Variants in CSTF3 observed in about 807,000 individuals in gnomAD.
CSTF3 encodes cleavage stimulation factor subunit 3, also known as CF-1 77 kDa subunit.
A neutral mutation model predicts 105.8 loss-of-function variants in CSTF3; 29 were observed. The ratio of observed to expected loss-of-function variants is 0.27; its 90% confidence interval spans 0.20 to 0.37. CSTF3 has a LOEUF of 0.37. CSTF3 is among the 10% of genes least tolerant of loss of function. CSTF3 has a pLI of 1.00. For synonymous variants in CSTF3, 252 were observed against 281.9 expected, an observed-to-expected ratio of 0.89 and a Z score of 1.06; for missense variants, 357 against 879.3, an observed-to-expected ratio of 0.41 and a Z score of 7.51.
At chr11:33,113,331 A>G (rs1176206352) in intron 3 of CSTF3, among the ~76,000 whole-genome samples, 1 of 152,146 alleles carries the variant, frequency 6.6e-6, no homozygotes, top group Non-Finnish European at 1.5e-5. Context: ...GTAGTGCATC[A>G]TTTTCAATGA....
intron 3 of CSTF3, among the ~76,000 whole-genome samples, chr11:33,128,397 T>A (rs1590277265): frequency 6.7e-6 from 1 of 150,152 alleles, no homozygotes; most frequent in Middle Eastern, 3.4e-3. Context: ...AACATGTAAT[T>A]TTTTTTTTTG....
intron 3 of CSTF3, among the ~76,000 whole-genome samples, chr11:33,137,447 T>C (rs1157354604): frequency 6.6e-6 from 1 of 151,824 alleles, no homozygotes; most frequent in Non-Finnish European, 1.5e-5. Context: ...ATCTCTGTTA[T>C]AGAATGGATA....
intron 17 of CSTF3, among the ~76,000 whole-genome samples, chr11:33,089,982 T>G (rs1454058690): frequency 6.6e-6 from 1 of 152,238 alleles, no homozygotes; most frequent in Non-Finnish European, 1.5e-5. Flanking sequence ...GACTCAGTAG[T>G]CTGTATAGAA....
rs928350513 is a variant in CSTF3 at position 33,099,377 on chromosome 11, A to G, written c.937-227T>C. Among the ~76,000 whole-genome samples, 3 of 152,234 alleles carry G rather than the reference A, an allele frequency of 2.0e-5. No individual in the cohort carries two copies. Among genetic ancestry groups the G allele is most frequent in the Non-Finnish European group, 4.4e-5 (3 of 68,036 alleles). On this transcript the variant is annotated intron_variant, in intron 11 of 20. Transcript: ENST00000323959. The surrounding 1 kb of genome is among the most constrained non-coding windows in gnomAD (Gnocchi z 4.1). ...TTTCATTATTTTAACTTACAAAATA[A>G]CCATGCAAGTACTCTAAATGATTCA... is the stretch of plus-strand genomic sequence containing the variant.
intron 3 of CSTF3, among the ~76,000 whole-genome samples, chr11:33,120,708 A>G (rs1401564873): frequency 6.6e-6 from 1 of 152,016 alleles, no homozygotes; most frequent in East Asian, 1.9e-4. Context: ...AAAGCCTAAC[A>G]TATAGCAGAC....
chr11:33,096,492 T>A, intron 14 of CSTF3, 84 bp from the exon 15 acceptor site: 1 of 794,438 alleles, frequency 1.3e-6, no homozygotes, highest in East Asian at 2.7e-5. Flanking sequence ...TATACCTACA[T>A]ATGACAAAAT....
At chr11:33,090,759 A>C in intron 16 of CSTF3, 32 bp from the exon 17 acceptor site, 1 of 1,460,986 alleles carries the variant, frequency 6.8e-7, no homozygotes, top group South Asian at 1.5e-5. Flanking sequence ...CAATACTTTA[A>C]TTATTCTGGG....
At chr11:33,096,470 G>T in intron 14 of CSTF3, 62 bp from the exon 15 acceptor site, 9 of 1,040,720 alleles carry the variant, frequency 8.6e-6, no homozygotes, top group Admixed American at 2.3e-5. Context: ...ACACTTGAAA[G>T]AATATTAAAA....
At chr11:33,156,075 G>C (rs1040263937) in intron 1 of CSTF3, among the ~76,000 whole-genome samples, 4 of 152,102 alleles carry the variant, frequency 2.6e-5, no homozygotes, top group African/African-American at 9.7e-5. Context: ...TAAGCACAGA[G>C]CAACTTCTCT....
At chr11:33,139,874 A>T (rs1855691753) in intron 3 of CSTF3, among the ~76,000 whole-genome samples, 1 of 152,028 alleles carries the variant, frequency 6.6e-6, no homozygotes, top group African/African-American at 2.4e-5. Context: ...GCCCCTTGGA[A>T]TAACATCTGG....
At chr11:33,094,547 T>G (rs1245910348) in intron 15 of CSTF3, among the ~76,000 whole-genome samples, 1 of 151,978 alleles carries the variant, frequency 6.6e-6, no homozygotes, top group Non-Finnish European at 1.5e-5. Context: ...ACACCAGATA[T>G]CCTCCTTTTA....
intron 3 of CSTF3, among the ~76,000 whole-genome samples, chr11:33,128,035 T>C (rs1855561500): frequency 6.6e-6 from 1 of 152,172 alleles, no homozygotes; most frequent in South Asian, 2.1e-4. Context: ...ACAAAATAAG[T>C]CAATTTAGAA....
At chr11:33,138,739 T>C (rs929665940) in intron 3 of CSTF3, among the ~76,000 whole-genome samples, 7 of 151,874 alleles carry the variant, frequency 4.6e-5, no homozygotes, top group Non-Finnish European at 1.0e-4. Context: ...ATAATACTGT[T>C]AAATCATGTG....
chr11:33,122,914 C>CAAAA (rs10600978), intron 3 of CSTF3, among the ~76,000 whole-genome samples: 96 of 83,666 alleles, frequency 1.1e-3, no homozygotes, highest in East Asian at 2.0e-3. Flanking sequence ...TATCCTGTCT[C>CAAAA]AAAAAAAAAA....
chr11:33,097,435 T>C (rs1855234144), intron 13 of CSTF3, among the ~76,000 whole-genome samples: 2 of 152,146 alleles, frequency 1.3e-5, no homozygotes, highest in South Asian at 4.1e-4. Context: ...AGTGGTGCGA[T>C]CTTGGCTCAC....
At chr11:33,144,900 C>G (rs766782224) in intron 1 of CSTF3, 1 of 245,758 alleles carries the variant, frequency 4.1e-6, no homozygotes, top group Non-Finnish European at 8.4e-6. Context: ...CGCTTGAGCC[C>G]GGGAGGGAGA....
At chr11:33,148,808 A>G (rs546116161) in intron 1 of CSTF3, among the ~76,000 whole-genome samples, 1 of 151,634 alleles carries the variant, frequency 6.6e-6, no homozygotes, top group South Asian at 2.1e-4. Flanking sequence ...TTAAATACAT[A>G]AATTCTGAGG....
Position 33,103,092 on chromosome 11 carries a change from G to C in CSTF3, c.663+15C>G. The C allele has an allele frequency of 6.7e-7, 1 of 1,492,576 alleles. No homozygotes were observed. The highest frequency in any genetic ancestry group is 9.1e-7 in the Non-Finnish European group (1 of 1,099,644). 92.5% of individuals were successfully genotyped at this position (1,492,576 alleles called of 1,614,324 possible). ...CTCATAATAATCATTAAAATAGCCT[G>C]ATGGAATTCCATACCTTTGCTACAC... On this transcript the variant is annotated intron_variant, in intron 9 of 20. Transcript: ENST00000323959.
intron 3 of CSTF3, among the ~76,000 whole-genome samples, chr11:33,134,142 T>C (rs1034794116): frequency 1.1e-4 from 16 of 152,218 alleles, no homozygotes; most frequent in African/African-American, 1.4e-4. Context: ...AAAATATATA[T>C]GGGAGTTCTT....
Sources: gnomAD v4.1 joint callset for allele counts (sites outside exome capture counted in the v4.1 genomes callset) on GRCh38, gnomAD v4.1.1 for gene constraint, Gnocchi (gnomAD v3.1) non-coding constraint, MANE v1.5 for transcripts, NCBI Gene and HGNC (gene_info 2026-07-23, HGNC 2026-07-21) for gene names.